Variants in LRP1B observed in about 807,000 individuals in gnomAD.
LRP1B encodes the protein LDL receptor related protein 1B, also known as low-density lipoprotein receptor-related protein 1B.
In LRP1B, 217 loss-of-function variants were observed where a neutral mutation model predicts 556.6. That is an observed-to-expected ratio of 0.39 (90% CI 0.35 to 0.44). The LOEUF (loss-of-function observed/expected upper bound fraction) is 0.44, where lower values mean the gene tolerates loss of function less well. LRP1B is among the 20% of genes least tolerant of loss of function. The pLI is 1.00. For missense variants in LRP1B, 5,053 were observed against 5,620.8 expected (o/e 0.90, Z 3.23); for synonymous variants, 2,047 against 1,865.8 (o/e 1.10, Z -2.50).
intron 2 of LRP1B, among the ~76,000 whole-genome samples, chr2:141,690,440 TAA>T (rs1691483145): frequency 1.5e-5 from 2 of 132,814 alleles, no homozygotes; most frequent in Admixed American, 7.6e-5. Flanking sequence ...TATATATATA[TAA>T]TTACAAATAT....
chr2:140,821,141 A>AT (rs1042309162), intron 31 of LRP1B, among the ~76,000 whole-genome samples: 5 of 152,094 alleles, frequency 3.3e-5, no homozygotes, highest in South Asian at 2.1e-4. Flanking sequence ...ATTATCAGTG[A>AT]TTTTTTTCCT....
intron 86 of LRP1B, among the ~76,000 whole-genome samples, chr2:140,266,897 A>C (rs1486627310): frequency 6.6e-6 from 1 of 151,998 alleles, no homozygotes; most frequent in Non-Finnish European, 1.5e-5. Flanking sequence ...AATGAATTTT[A>C]AGTTCCTCTA....
intron 5 of LRP1B, 98 bp from the exon 6 acceptor site, chr2:141,229,538 T>G (rs1020043964): frequency 2.2e-6 from 2 of 898,320 alleles, no homozygotes; most frequent in African/African-American, 1.7e-5. Flanking sequence ...ATACTTTTAA[T>G]AAATTCATAA....
intron 85 of LRP1B, 53 bp from the exon 86 acceptor site, chr2:140,270,399 G>A: frequency 3.6e-6 from 4 of 1,116,186 alleles, no homozygotes; most frequent in Non-Finnish European, 5.5e-6. Context: ...CAACATTATT[G>A]CTGAAAGCTG....
intron 7 of LRP1B, among the ~76,000 whole-genome samples, chr2:141,172,782 C>G (rs1395329203): frequency 1.3e-5 from 2 of 151,948 alleles, no homozygotes; most frequent in African/African-American, 4.8e-5. Flanking sequence ...TAGATTTTCT[C>G]TACTAAGCAA....
chr2:141,220,634 A>G (rs1431824094), intron 6 of LRP1B, among the ~76,000 whole-genome samples: 2 of 151,726 alleles, frequency 1.3e-5, no homozygotes, highest in Non-Finnish European at 2.9e-5. Context: ...AAAAAAAAAA[A>G]AAAGAAAAAA....
At chr2:140,323,845 A>G in intron 81 of LRP1B, 48 bp downstream of exon 81, 1 of 943,148 alleles carries the variant, frequency 1.1e-6, no homozygotes, top group Non-Finnish European at 1.6e-6. Context: ...GAGAGATACA[A>G]GAAAATAATT....
chr2:141,810,833 A>G (rs1005863452), intron 1 of LRP1B, among the ~76,000 whole-genome samples: 2 of 152,106 alleles, frequency 1.3e-5, no homozygotes, highest in African/African-American at 4.8e-5. Flanking sequence ...TATAGTTAAA[A>G]ATCCATTTCT....
At chr2:141,488,653 G>A (rs1328530924) in intron 2 of LRP1B, among the ~76,000 whole-genome samples, 1 of 151,900 alleles carries the variant, frequency 6.6e-6, no homozygotes, top group Non-Finnish European at 1.5e-5. Flanking sequence ...TACAGACAGG[G>A]TCTCACCATG....
chr2:140,476,044 A>G (rs1375739217), intron 59 of LRP1B, among the ~76,000 whole-genome samples: 2 of 152,002 alleles, frequency 1.3e-5, no homozygotes, highest in African/African-American at 4.8e-5. Context: ...AAAAACAGGA[A>G]GTGAATTAAG....
chr2:141,374,029 T>C (rs1458055461), intron 3 of LRP1B, among the ~76,000 whole-genome samples: 1 of 152,130 alleles, frequency 6.6e-6, no homozygotes, highest in African/African-American at 2.4e-5. Flanking sequence ...TTTTGAACAT[T>C]TCCTGTAGGT....
intron 7 of LRP1B, among the ~76,000 whole-genome samples, chr2:141,086,247 A>C (rs2104897664): frequency 6.6e-6 from 1 of 152,264 alleles, no homozygotes; most frequent in East Asian, 1.9e-4. Context: ...GTGTTTCTTG[A>C]CTGGATCAAA....
At chr2:141,791,462 ACAT>A (rs1226324702) in intron 2 of LRP1B, among the ~76,000 whole-genome samples, 1 of 152,052 alleles carries the variant, frequency 6.6e-6, no homozygotes, top group Non-Finnish European at 1.5e-5. Flanking sequence ...TTCATAATAA[ACAT>A]CATGTACATT....
At chr2:141,768,913 T>C (rs1694814761) in intron 2 of LRP1B, among the ~76,000 whole-genome samples, 1 of 151,988 alleles carries the variant, frequency 6.6e-6, no homozygotes, top group African/African-American at 2.4e-5. Context: ...TTAATATATA[T>C]GTATATATGT....
At chr2:140,234,927 A>G (rs1680631230) in intron 89 of LRP1B, 43 bp from the exon 90 acceptor site, 1 of 747,778 alleles carries the variant, frequency 1.3e-6, no homozygotes, top group Non-Finnish European at 2.5e-6. Flanking sequence ...CTAATATTAT[A>G]GAATCACTTT....
chr2:141,377,128 T>A (rs1417578971), intron 3 of LRP1B, among the ~76,000 whole-genome samples: 2 of 152,172 alleles, frequency 1.3e-5, no homozygotes, highest in East Asian at 3.8e-4. Context: ...ATATGAGCAG[T>A]GCATGGGAAA....
chr2:140,358,757 G>A (rs762717182), intron 73 of LRP1B, 64 bp downstream of exon 73: 14 of 1,544,206 alleles, frequency 9.1e-6, no homozygotes, highest in Non-Finnish European at 1.2e-5. Context: ...TAAAATGTTT[G>A]TACTCCAAGT....
intron 1 of LRP1B, among the ~76,000 whole-genome samples, chr2:141,981,002 AT>A (rs1404785890): frequency 5.3e-5 from 8 of 152,130 alleles, no homozygotes; most frequent in Non-Finnish European, 7.4e-5. Flanking sequence ...TATATCTTAC[AT>A]TCTCCAAATA....
intron 23 of LRP1B, among the ~76,000 whole-genome samples, chr2:140,890,105 A>G (rs1693754380): frequency 6.8e-6 from 1 of 147,908 alleles, no homozygotes; most frequent in Admixed American, 6.7e-5. Flanking sequence ...ATTAGTTAAA[A>G]AAAAAAAACC....
Sources: gnomAD v4.1 joint callset for allele counts (sites outside exome capture counted in the v4.1 genomes callset) on GRCh38, gnomAD v4.1.1 for gene constraint, MANE v1.5 for transcripts, NCBI Gene and HGNC (gene_info 2026-07-23, HGNC 2026-07-21) for gene names.